ZNF383: variants seen among roughly 807,000 people sequenced by gnomAD.
The protein encoded by ZNF383 is zinc finger protein 383.
Under a neutral mutation model 44.2 loss-of-function variants are expected in ZNF383, and 32 were observed. That is an observed-to-expected ratio of 0.72 (90% CI 0.55 to 0.97). The LOEUF (loss-of-function observed/expected upper bound fraction) is 0.97, where lower values mean the gene tolerates loss of function less well. ZNF383 is among the 50% of genes least tolerant of loss of function. The pLI, the probability that ZNF383 is intolerant of heterozygous loss-of-function variation, is 0.00. For synonymous variants in ZNF383, 155 were observed against 186.2 expected (o/e 0.83, Z 1.36); for missense variants, 487 against 562.5 (o/e 0.87, Z 1.36).
rs1186276009 is a variant in ZNF383, at chr19:37,218,216, G to C, written c.-226G>C. 1.3e-5 allele frequency: 2 copies of C among 152,596 alleles called. No individual in the cohort carries two copies. The highest frequency in any genetic ancestry group is 2.9e-5 in the Non-Finnish European group (2 of 68,330). 9.5% of individuals were successfully genotyped at this position (152,596 alleles called of 1,614,324 possible). A position where few individuals can be genotyped will look rare whatever the true frequency, so the allele number is the denominator to read the frequency against. The stretch of plus-strand genomic sequence containing the variant: ...TTGCCTGCTGGACCCTCCGCCTCAA[G>C]GGTAGGGGAAGTGCGCGGTGAGCGG... On this transcript the variant is annotated 5_prime_UTR_variant, in exon 1 of 6. Transcript: ENST00000684119.
At chr19:37,239,551 C>G (rs1973978072) in intron 5 of ZNF383, among the ~76,000 whole-genome samples, 1 of 152,090 alleles carries the variant, frequency 6.6e-6, no homozygotes, top group African/African-American at 2.4e-5. Context: ...GGACTAAATG[C>G]CAGTGTTGGT....
At chr19:37,220,334 G>A (rs1972858976) in intron 1 of ZNF383, among the ~76,000 whole-genome samples, 2 of 152,260 alleles carry the variant, frequency 1.3e-5, no homozygotes, top group Non-Finnish European at 1.5e-5. Context: ...CTAGATCTCA[G>A]CTCACTGCAA....
At chr19:37,240,500 C>G (rs569938363) in intron 5 of ZNF383, among the ~76,000 whole-genome samples, 2 of 152,174 alleles carry the variant, frequency 1.3e-5, no homozygotes, top group Non-Finnish European at 2.9e-5. Flanking sequence ...CAGCTCTCAT[C>G]AATCTGCTTC....
At chr19:37,226,677 G>A (rs997322953) in intron 2 of ZNF383, 1 of 152,106 alleles carries the variant, frequency 6.6e-6, no homozygotes, top group Non-Finnish European at 1.5e-5. Context: ...CAACAGACAT[G>A]TAAGTTTCTA....
In ZNF383 at chr19:37,247,633, T is replaced by A. The variant is rs927419969; in HGVS notation, c.*3969T>A. 6.6e-5 allele frequency: 10 copies of A among 150,826 alleles called. No individual in the cohort carries two copies. Among genetic ancestry groups the A allele is most frequent in the Non-Finnish European group, 1.5e-4 (10 of 67,818 alleles). The allele number at this position is 150,826 out of a possible 1,614,324, so 9.3% of individuals were successfully genotyped here. ...TGAGGCCAGGAGTTCAAGACCAGTC[T>A]AGGTAACATAATGAGATCCCCCTCC... On this transcript the variant is annotated 3_prime_UTR_variant, in exon 6 of 6. Transcript: ENST00000684119.
At chr19:37,235,360 C>T (rs989997118) in intron 3 of ZNF383, among the ~76,000 whole-genome samples, 189 bp from the exon 4 acceptor site, 1 of 151,706 alleles carries the variant, frequency 6.6e-6, no homozygotes, top group Non-Finnish European at 1.5e-5. Context: ...TAGGCCGTTT[C>T]AATGGACAGA....
Position 37,235,502 on chromosome 19 carries a change from A to T in ZNF383, c.10-47A>T, listed in dbSNP as rs773460189. On this transcript the variant is annotated intron_variant, in intron 3 of 5. Transcript: ENST00000684119. ...CACAATACAAGCATCGTAGTCTCTG[A>T]TACATTTTTTTAATTACACAAGTAA... 3.1e-6 allele frequency: 5 copies of T among 1,606,956 alleles called. No homozygotes were observed. The South Asian group carries it at 3.3e-5, about 11-fold the overall frequency.
chr19:37,229,510 G>A (rs986260154), intron 2 of ZNF383, among the ~76,000 whole-genome samples: 4 of 144,848 alleles, frequency 2.8e-5, no homozygotes, highest in East Asian at 4.0e-4. Flanking sequence ...CCAGGTTGGA[G>A]TGCGATGGCA....
chr19:37,229,740 GTGTATATA>G (rs1434961959), intron 2 of ZNF383, among the ~76,000 whole-genome samples: 1 of 143,466 alleles, frequency 7.0e-6, no homozygotes, highest in African/African-American at 2.6e-5. Flanking sequence ...ATATATGTGT[GTGTATATA>G]TGTATATATG....
At chr19:37,220,564 T>G (rs959986253) in intron 1 of ZNF383, among the ~76,000 whole-genome samples, 7 of 123,312 alleles carry the variant, frequency 5.7e-5, no homozygotes, top group African/African-American at 2.8e-4. Flanking sequence ...TATTTGTTTT[T>G]TTTTTTGTTG....
In ZNF383 at chr19:37,245,792, TA is replaced by T. The variant is rs767426106; in HGVS notation, c.*2129del. On this transcript the variant is annotated 3_prime_UTR_variant, in exon 6 of 6. Transcript: ENST00000684119. ...CCGGTCAATTATTTTTTCTTATAGC[TA>T]TTAGTGGTGTTTTTGTTTTTTGAGA... is the stretch of plus-strand genomic sequence containing the variant. The T allele has an allele frequency of 1.3e-5, 2 of 151,000 alleles. No homozygotes were observed. Among genetic ancestry groups the T allele is most frequent in the Non-Finnish European group, 2.9e-5 (2 of 67,834 alleles). The allele number at this position is 151,000 out of a possible 1,614,324, so 9.4% of individuals were successfully genotyped here.
intron 2 of ZNF383, among the ~76,000 whole-genome samples, chr19:37,228,254 G>A (rs1199623493): frequency 2.0e-5 from 3 of 152,094 alleles, no homozygotes; most frequent in Non-Finnish European, 4.4e-5. Context: ...CAGAGGGCTC[G>A]CATTTTTGTT....
Position 37,235,993 on chromosome 19 carries a change from A to G in ZNF383, c.151A>G (p.Lys51Glu). Residue 51 changes from lysine (K) to glutamate (E), a missense_variant, in exon 5 of 6, where the codon AAG (lysine) becomes GAG (glutamate). Transcript: ENST00000684119. The stretch of plus-strand genomic sequence containing the variant: ...CTCGTGAGCAGGACTTTACACTCCT[A>G]AGCCTCAAGTGATCTCCTTATTGGA... ...NLVSMGLYTPKPQVISLLEQG... is the reference protein window; with the variant it reads ...NLVSMGLYTPEPQVISLLEQG... The G allele has an allele frequency of 6.2e-7, 1 of 1,613,494 alleles. No individual in the cohort carries two copies. Among genetic ancestry groups the G allele is most frequent in the Non-Finnish European group, 8.5e-7 (1 of 1,179,762 alleles).
Position 37,238,324 on chromosome 19 carries a change from CACTT to C in ZNF383, c.232+2253_232+2256del, listed in dbSNP as rs770942518. Reference sequence around the variant, plus strand: ...TATAAATATTTTTAGAATTATATATCACTTACATTTATCTACATGTAACTAATAT... The same window carrying C: ...TATAAATATTTTTAGAATTATATATCACATTTATCTACATGTAACTAATAT... On this transcript the variant is annotated intron_variant, in intron 5 of 5. Transcript: ENST00000684119. Among the ~76,000 whole-genome samples, 322 of 143,142 alleles carry C rather than the reference CACTT, an allele frequency of 2.2e-3. 2 individuals carry two copies. The highest frequency in any genetic ancestry group is 3.6e-3 in the Non-Finnish European group (235 of 66,040). 93.9% of individuals were successfully genotyped at this position (143,142 alleles called of 152,430 possible).
chr19:37,233,256 G>A (rs193129051), intron 3 of ZNF383, among the ~76,000 whole-genome samples: 55 of 151,550 alleles, frequency 3.6e-4, no homozygotes, highest in African/African-American at 8.7e-4. Flanking sequence ...TCAGCCTCCC[G>A]AGCAGCTGGG....
At chr19:37,240,096 T>C (rs1306357412) in intron 5 of ZNF383, among the ~76,000 whole-genome samples, 1 of 150,562 alleles carries the variant, frequency 6.6e-6, no homozygotes, top group Non-Finnish European at 1.5e-5. Flanking sequence ...GAGGTGTAGG[T>C]TGCAGTGAGC....
At chr19:37,231,875 A>T (rs922999206) in intron 3 of ZNF383, among the ~76,000 whole-genome samples, 1 of 152,150 alleles carries the variant, frequency 6.6e-6, no homozygotes, top group Non-Finnish European at 1.5e-5. Flanking sequence ...CTCCCTTAAT[A>T]AAGGAGAAAA....
At chr19:37,222,677 C>T (rs919938987) in intron 1 of ZNF383, among the ~76,000 whole-genome samples, 3 of 152,148 alleles carry the variant, frequency 2.0e-5, no homozygotes, top group Non-Finnish European at 1.5e-5. Context: ...CGTGCCCGGC[C>T]GAATATAACA....
At chr19:37,240,942 G>T (rs546213517) in intron 5 of ZNF383, among the ~76,000 whole-genome samples, 1 of 152,132 alleles carries the variant, frequency 6.6e-6, no homozygotes, top group Non-Finnish European at 1.5e-5. Context: ...GAGTAGCTGG[G>T]ATTACAGGCA....
Sources: allele counts gnomAD v4.1 joint callset (sites outside exome capture counted in the v4.1 genomes callset), GRCh38; gene constraint gnomAD v4.1.1; transcripts MANE v1.5; gene names NCBI Gene and HGNC (gene_info 2026-07-23, HGNC 2026-07-21).